Variants in CCDC30 observed in about 807,000 individuals in gnomAD.
CCDC30 encodes the protein coiled-coil domain containing 30.
Under a neutral mutation model 100.2 loss-of-function variants are expected in CCDC30, and 70 were observed. The observed-to-expected ratio is 0.70, with a 90% confidence interval of 0.58 to 0.85. The LOEUF is 0.85. CCDC30 is among the 40% of genes least tolerant of loss of function. CCDC30 has a pLI of 0.00. For synonymous variants in CCDC30, 233 were observed against 269.5 expected, an observed-to-expected ratio of 0.86 and a Z score of 1.33; for missense variants, 652 against 771.2, an observed-to-expected ratio of 0.85 and a Z score of 1.83.
At chr1:42,581,031 G>A (rs556784754) in intron 8 of CCDC30, 3 of 364,346 alleles carry the variant, frequency 8.2e-6, no homozygotes, top group South Asian at 6.6e-5. Flanking sequence ...GTAAATATGG[G>A]GTTTTACCAT....
intron 6 of CCDC30, among the ~76,000 whole-genome samples, chr1:42,548,782 G>A (rs1645193128): frequency 6.6e-6 from 1 of 152,132 alleles, no homozygotes; most frequent in Non-Finnish European, 1.5e-5. Context: ...TATGATGGCA[G>A]GACTTGGGGT....
chr1:42,586,295 T>TTTTG (rs57735661), intron 9 of CCDC30, among the ~76,000 whole-genome samples: 6 of 151,984 alleles, frequency 3.9e-5, no homozygotes, highest in Non-Finnish European at 5.9e-5. Context: ...GAACCTTAGA[T>TTTTG]TTTGTTTGTT....
intron 12 of CCDC30, among the ~76,000 whole-genome samples, chr1:42,641,998 G>A (rs1344763811): frequency 1.3e-5 from 2 of 152,186 alleles, no homozygotes; most frequent in African/African-American, 2.4e-5. Context: ...GGCCAAGGTG[G>A]GCGGATCACA....
upstream of CCDC30, among the ~76,000 whole-genome samples, chr1:42,463,058 A>G (rs1038824279): frequency 4.6e-5 from 7 of 152,260 alleles, no homozygotes; most frequent in Non-Finnish European, 8.8e-5. Context: ...GTATTCGCTA[A>G]GTCGCAAACG....
chr1:42,579,713 G>A (rs964039578), intron 8 of CCDC30, among the ~76,000 whole-genome samples: 3 of 148,458 alleles, frequency 2.0e-5, no homozygotes, highest in Non-Finnish European at 4.5e-5. Context: ...GGAAGGAAGG[G>A]ACTATTAGCA....
chr1:42,607,011 AC>A (rs1646515173), intron 10 of CCDC30, among the ~76,000 whole-genome samples: 4 of 152,250 alleles, frequency 2.6e-5, no homozygotes, highest in Admixed American at 2.6e-4. Context: ...GTGCAGGATT[AC>A]TATAAGAAGG....
intron 6 of CCDC30, among the ~76,000 whole-genome samples, chr1:42,500,563 G>A (rs556701164): frequency 2.9e-4 from 44 of 151,988 alleles, no homozygotes; most frequent in Middle Eastern, 3.4e-3. Flanking sequence ...ACAGGCACCC[G>A]CCACCACGCC....
At chr1:42,585,010 A>G (rs933435608) in intron 9 of CCDC30, among the ~76,000 whole-genome samples, 1 of 152,234 alleles carries the variant, frequency 6.6e-6, no homozygotes, top group Non-Finnish European at 1.5e-5. Flanking sequence ...CCATGAAATC[A>G]TCTGGGCCTA....
intron 10 of CCDC30, among the ~76,000 whole-genome samples, chr1:42,604,616 G>A (rs555362378): frequency 6.6e-6 from 1 of 152,308 alleles, no homozygotes; most frequent in East Asian, 1.9e-4. Context: ...ATTCAATGGT[G>A]TTTTGGGTTC....
intron 16 of CCDC30, among the ~76,000 whole-genome samples, 164 bp downstream of exon 20, chr1:42,653,607 C>T (rs1216935269): frequency 6.6e-6 from 1 of 152,114 alleles, no homozygotes; most frequent in East Asian, 1.9e-4. Context: ...CTTCCAATTC[C>T]TCCCCTTGCC....
intron 9 of CCDC30, among the ~76,000 whole-genome samples, chr1:42,588,912 T>A (rs1255159205): frequency 6.6e-6 from 1 of 152,226 alleles, no homozygotes; most frequent in Non-Finnish European, 1.5e-5. Context: ...TTTATAGCAG[T>A]GTTAATGTGT....
intron 11 of CCDC30, among the ~76,000 whole-genome samples, chr1:42,628,738 C>G (rs1646978254): frequency 6.6e-6 from 1 of 152,166 alleles, no homozygotes; most frequent in East Asian, 1.9e-4. Flanking sequence ...CACCATGATT[C>G]TGAGGCCTCC....
At chr1:42,593,760 G>C (rs1462901830) in intron 10 of CCDC30, 3 of 152,606 alleles carry the variant, frequency 2.0e-5, no homozygotes, top group Middle Eastern at 6.8e-3. Flanking sequence ...ATAGGACAAA[G>C]ATCAAAATAT....
chr1:42,630,957 T>G (rs1015136445), intron 11 of CCDC30, among the ~76,000 whole-genome samples: 1 of 152,194 alleles, frequency 6.6e-6, no homozygotes, highest in Non-Finnish European at 1.5e-5. Flanking sequence ...TTCTCCAGGA[T>G]GGGTCCCTGG....
In CCDC30 at chr1:42,494,414, T is replaced by C. The variant is rs1369158413; in HGVS notation, c.242-2684T>C. 5.8e-3 allele frequency among the ~76,000 whole-genome samples: 885 copies of C among 151,988 alleles called. 8 individuals are homozygous for C. The highest frequency in any genetic ancestry group is 0.02 in the African/African-American group (816 of 41,466). Reference sequence around the variant, plus strand: ...AACCATAAAAACCCTAGAAGAAAACTTAGGCAATACCATTCAGGACATAGG... The same window carrying C: ...AACCATAAAAACCCTAGAAGAAAACCTAGGCAATACCATTCAGGACATAGG... On this transcript the variant is annotated intron_variant, in intron 4 of 16. Transcript: ENST00000668663.
chr1:42,463,048 G>A (rs574122248), upstream of CCDC30, among the ~76,000 whole-genome samples: 5 of 152,348 alleles, frequency 3.3e-5, no homozygotes, highest in South Asian at 1.0e-3. Context: ...AAGACAAAAT[G>A]TATTCGCTAA....
At position 42,642,468 on chromosome 1, in the gene CCDC30, C is replaced by T; in HGVS notation, c.1420-5C>T. The T allele has an allele frequency of 3.2e-6, 5 of 1,540,962 alleles. No individual in the cohort carries two copies. The highest frequency in any genetic ancestry group is 2.6e-6 in the Non-Finnish European group (3 of 1,144,918). On this transcript the variant is annotated splice_region_variant and splice_polypyrimidine_tract_variant and intron_variant, in intron 12 of 16. Transcript: ENST00000668663. Reference sequence around the variant, plus strand: ...GTGGTAATTAGGAGACTTTCTAATCCCTAGGAGAAGGCAATACAGGACCAG... The same window carrying T: ...GTGGTAATTAGGAGACTTTCTAATCTCTAGGAGAAGGCAATACAGGACCAG...
At chr1:42,471,730 C>A (rs1217386602) in intron 1 of CCDC30, among the ~76,000 whole-genome samples, 1 of 151,998 alleles carries the variant, frequency 6.6e-6, no homozygotes, top group Non-Finnish European at 1.5e-5. Flanking sequence ...TGAAGAGGAC[C>A]TACAGAGGTG....
chr1:42,535,477 T>A (rs1193966221), intron 6 of CCDC30, among the ~76,000 whole-genome samples: 1 of 150,568 alleles, frequency 6.6e-6, no homozygotes, highest in African/African-American at 2.5e-5. Flanking sequence ...TTTCCCAAGT[T>A]ACAAAATATA....
Sources: gnomAD v4.1 joint callset for allele counts (sites outside exome capture counted in the v4.1 genomes callset) on GRCh38, gnomAD v4.1.1 for gene constraint, MANE v1.5 for transcripts, NCBI Gene and HGNC (gene_info 2026-07-23, HGNC 2026-07-21) for gene names.